Variants in PIK3CB observed in about 807,000 individuals in gnomAD.
PIK3CB encodes phosphatidylinositol-4,5-bisphosphate 3-kinase catalytic subunit beta, also known as phosphatidylinositol 4,5-bisphosphate 3-kinase catalytic subunit beta isoform.
A neutral mutation model predicts 136.8 loss-of-function variants in PIK3CB; 39 were observed. The ratio of observed to expected loss-of-function variants is 0.29; its 90% CI spans 0.22 to 0.37. The LOEUF (loss-of-function observed/expected upper bound fraction) is 0.37, where lower values mean the gene tolerates loss of function less well. Among genes scored for constraint, PIK3CB ranks in the 10% least tolerant of loss-of-function variants. PIK3CB has a pLI of 1.00. For synonymous variants in PIK3CB, 428 were observed against 436.6 expected, an observed-to-expected ratio of 0.98 and a Z score of 0.25; for missense variants, 868 against 1,275.4, an observed-to-expected ratio of 0.68 and a Z score of 4.87.
At chr3:138,826,003 T>C (rs1933769382) in intron 1 of PIK3CB, 1 of 1,482,186 alleles carries the variant, frequency 6.7e-7, no homozygotes, top group Non-Finnish European at 9.3e-7. Context: ...GCCAAATCAG[T>C]GCTGGCTATG....
chr3:138,703,305 C>A (rs906350000), intron 12 of PIK3CB, among the ~76,000 whole-genome samples: 1 of 152,110 alleles, frequency 6.6e-6, no homozygotes, highest in Non-Finnish European at 1.5e-5. Flanking sequence ...ACAGCCTAGG[C>A]CAGACATTTC....
At chr3:138,810,300 C>CT (rs1351855025) in intron 1 of PIK3CB, among the ~76,000 whole-genome samples, 2 of 152,160 alleles carry the variant, frequency 1.3e-5, no homozygotes, top group East Asian at 1.9e-4. Context: ...ACGCCCCACT[C>CT]TTTAAGTGTG....
intron 11 of PIK3CB, among the ~76,000 whole-genome samples, chr3:138,705,825 T>A (rs1032347543): frequency 2.0e-5 from 3 of 152,148 alleles, no homozygotes; most frequent in African/African-American, 7.2e-5. Flanking sequence ...TGACCATAGG[T>A]CACTGCAGTC....
intron 2 of PIK3CB, among the ~76,000 whole-genome samples, chr3:138,779,517 G>A (rs955084215): frequency 1.0e-4 from 15 of 147,524 alleles, no homozygotes; most frequent in African/African-American, 2.3e-4. Flanking sequence ...CAAGCCTCCC[G>A]AGTAGTTGGG....
intron 12 of PIK3CB, among the ~76,000 whole-genome samples, chr3:138,702,278 T>G (rs2044271941): frequency 6.7e-6 from 1 of 148,652 alleles, no homozygotes; most frequent in African/African-American, 2.4e-5. Context: ...TCTCTCTGTA[T>G]GGCCCAGGCT....
At chr3:138,831,285 T>TAAAA (rs10671076) in intron 1 of PIK3CB, among the ~76,000 whole-genome samples, 2,863 of 136,666 alleles carry the variant, frequency 0.021, 38 homozygotes, top group Non-Finnish European at 0.029. Context: ...TAAAATAAAA[T>TAAAA]TAAATTAAAT....
chr3:138,719,464 T>C (rs1292194471), intron 8 of PIK3CB, among the ~76,000 whole-genome samples: 1 of 152,036 alleles, frequency 6.6e-6, no homozygotes, highest in Non-Finnish European at 1.5e-5. Context: ...CAGGCTGGTC[T>C]CAAACTCCTG....
At chr3:138,747,130 A>C (rs934065958) in intron 4 of PIK3CB, among the ~76,000 whole-genome samples, 1 of 109,364 alleles carries the variant, frequency 9.1e-6, no homozygotes, top group Non-Finnish European at 1.8e-5. Context: ...TGCAGGCACA[A>C]TCACAGCACA....
At chr3:138,688,416 G>T (rs531730602) in intron 16 of PIK3CB, among the ~76,000 whole-genome samples, 85 of 147,122 alleles carry the variant, frequency 5.8e-4, no homozygotes, top group Non-Finnish European at 2.5e-4. Flanking sequence ...CAGGAGAATC[G>T]CTTGAACCCG....
intron 12 of PIK3CB, among the ~76,000 whole-genome samples, chr3:138,703,559 TATATGTAGATATAGATATAG>T (rs1173328959): frequency 3.8e-4 from 57 of 151,050 alleles, no homozygotes; most frequent in African/African-American, 1.2e-3. Context: ...TTTATATATA[TATATGTAGATATAGATATAG>T]ATATGTAGAT....
intron 1 of PIK3CB, among the ~76,000 whole-genome samples, chr3:138,819,175 C>T (rs57600048): frequency 0.025 from 3,730 of 152,152 alleles, 152 homozygotes; most frequent in African/African-American, 0.085. Context: ...GGTAAAACCC[C>T]GTCTCTACTA....
chr3:138,791,013 G>C (rs1184453721), intron 2 of PIK3CB, among the ~76,000 whole-genome samples: 1 of 151,962 alleles, frequency 6.6e-6, no homozygotes, highest in Non-Finnish European at 1.5e-5. Context: ...TGTCCATTAT[G>C]AACTTACAGG....
At chr3:138,669,187 G>C (rs748499822) in intron 19 of PIK3CB, among the ~76,000 whole-genome samples, 1 of 152,028 alleles carries the variant, frequency 6.6e-6, no homozygotes, top group Non-Finnish European at 1.5e-5. Flanking sequence ...CAAGGTGGGC[G>C]GACTGCTTGA....
chr3:138,697,664 C>A (rs1035158799), intron 13 of PIK3CB, among the ~76,000 whole-genome samples: 1 of 152,040 alleles, frequency 6.6e-6, no homozygotes, highest in Non-Finnish European at 1.5e-5. Context: ...AATTGCTGAG[C>A]TGGTCTCAAC....
At chr3:138,704,638 A>G in intron 11 of PIK3CB, 145 bp from the exon 12 acceptor site, 1 of 648,126 alleles carries the variant, frequency 1.5e-6, no homozygotes, top group Non-Finnish European at 2.7e-6. Flanking sequence ...AAGCAAAATG[A>G]TGCTTCTCAA....
At chr3:138,693,242 C>T (rs34802531) in intron 14 of PIK3CB, among the ~76,000 whole-genome samples, 19,887 of 151,820 alleles carry the variant, frequency 0.13, 1,786 homozygotes, top group Non-Finnish European at 0.2. Context: ...CACAGGTGCG[C>T]ACCTCCACGC....
In PIK3CB at chr3:138,734,710, G is replaced by A. The variant is rs2108644846; in HGVS notation, c.896C>T (p.Ala299Val). The change falls in exon 7 of 24, where the codon GCC becomes GTC. Residue 299 changes from alanine to valine, a missense_variant. Coordinates refer to ENST00000674063, the MANE Select transcript of PIK3CB (RefSeq NM_006219.3). ...ATTTCGATTTATGGCAGCCTCTATGGCAATCATTTCTTGTTCATACATTTT... is the reference window on the plus strand; with the variant it reads ...ATTTCGATTTATGGCAGCCTCTATGACAATCATTTCTTGTTCATACATTTT... ...IKKMYEQEMI[A>V]IEAAINRNSS... 6.2e-7 allele frequency: 1 copy of A among 1,612,288 alleles called. No individual in the cohort carries two copies. The highest frequency in any genetic ancestry group is 8.5e-7 in the Non-Finnish European group (1 of 1,178,620).
intron 2 of PIK3CB, among the ~76,000 whole-genome samples, chr3:138,776,669 C>A (rs1279630577): frequency 6.6e-6 from 1 of 152,012 alleles, no homozygotes; most frequent in African/African-American, 2.4e-5. Context: ...GCATTCCAGC[C>A]TGGGCGACAG....
intron 23 of PIK3CB, 63 bp downstream of exon 23, chr3:138,656,079 A>C: frequency 6.5e-7 from 1 of 1,536,534 alleles, no homozygotes; most frequent in Non-Finnish European, 9.0e-7. Context: ...TGAATAAAAC[A>C]GGCAGCTAAA....
Sources: allele counts gnomAD v4.1 joint callset (sites outside exome capture counted in the v4.1 genomes callset), GRCh38; gene constraint gnomAD v4.1.1; transcripts MANE v1.5; gene names NCBI Gene and HGNC (gene_info 2026-07-23, HGNC 2026-07-21).